NAA16: variants seen among roughly 807,000 people sequenced by gnomAD.
The protein encoded by NAA16 is N-alpha-acetyltransferase 16, NatA auxiliary subunit, also known as NARG1-like protein.
A neutral mutation model predicts 110.3 loss-of-function variants in NAA16; 97 were observed. The observed-to-expected ratio is 0.88, with a 90% confidence interval of 0.75 to 1.04. The LOEUF is 1.04. Among genes scored for constraint, NAA16 ranks in the 50% least tolerant of loss-of-function variants. NAA16 has a pLI of 0.00. For synonymous variants in NAA16, 372 were observed against 330.6 expected, an observed-to-expected ratio of 1.13 and a Z score of -1.36; for missense variants, 1,017 against 1,005.1, an observed-to-expected ratio of 1.01 and a Z score of -0.16.
At chr13:41,373,946 G>A (rs2043375843) in intron 18 of NAA16, 166 bp downstream of exon 18, 1 of 1,110,372 alleles carries the variant, frequency 9.0e-7, no homozygotes, top group Admixed American at 3.7e-5. Context: ...AACAGGGATG[G>A]ATTCACAGGA....
chr13:41,354,885 C>CTTTTTTT (rs2042940050), intron 9 of NAA16, among the ~76,000 whole-genome samples: 1 of 48,214 alleles, frequency 2.1e-5, no homozygotes, highest in African/African-American at 8.6e-5. Flanking sequence ...AGGAGTGGTC[C>CTTTTTTT]ATTTTTTTTT....
At chr13:41,372,644 G>A in intron 16 of NAA16, 88 bp from the exon 17 acceptor site, 2 of 1,362,162 alleles carry the variant, frequency 1.5e-6, no homozygotes, top group Non-Finnish European at 1.9e-6. Flanking sequence ...GTAGCATTTT[G>A]TTGTTGAACT....
In NAA16 at chr13:41,375,745, C is replaced by A; in HGVS notation, c.*143C>A. On this transcript the variant is annotated 3_prime_UTR_variant, in exon 20 of 20. Transcript: ENST00000379406. Reference sequence around the variant, plus strand: ...GCATATTCTGTAAGCTTATTTTGTTCTTTACCCGACCTGCCAATTTACATA... The same window carrying A: ...GCATATTCTGTAAGCTTATTTTGTTATTTACCCGACCTGCCAATTTACATA... 1.7e-6 allele frequency: 1 copy of A among 602,152 alleles called. No individual in the cohort carries two copies. The highest frequency in any genetic ancestry group is 2.7e-6 in the Non-Finnish European group (1 of 365,034). 37.3% of individuals were successfully genotyped at this position (602,152 alleles called of 1,614,324 possible).
chr13:41,330,915 G>A (rs542152164), intron 7 of NAA16, among the ~76,000 whole-genome samples: 1 of 152,136 alleles, frequency 6.6e-6, no homozygotes, highest in East Asian at 1.9e-4. Context: ...CGTAGGTTAT[G>A]TTATTAGACC....
chr13:41,312,060 G>A (rs561410752), intron 1 of NAA16, among the ~76,000 whole-genome samples: 115 of 152,350 alleles, frequency 7.5e-4, no homozygotes, highest in African/African-American at 2.7e-3. Flanking sequence ...GGATCGATGC[G>A]ATGGTGGAAT....
chr13:41,373,630 T>C lies in NAA16; in HGVS notation c.2156-7T>C. On this transcript the variant is annotated splice_region_variant and splice_polypyrimidine_tract_variant and intron_variant, in intron 17 of 19. Transcript: ENST00000379406. ...AACAAAAAATCCAAATGTTTTTGTT[T>C]TTATAGTGTCTAATCATAGTAATCT... is the stretch of plus-strand genomic sequence containing the variant. 3 of 1,571,552 alleles carry C rather than the reference T, an allele frequency of 1.9e-6. No individual in the cohort carries two copies. Among genetic ancestry groups the C allele is most frequent in the Non-Finnish European group, 2.6e-6 (3 of 1,166,864 alleles).
At chr13:41,373,891 G>T in intron 18 of NAA16, 111 bp downstream of exon 18, 4 of 1,384,730 alleles carry the variant, frequency 2.9e-6, no homozygotes, top group Non-Finnish European at 3.7e-6. Flanking sequence ...GTAAGTATGG[G>T]GAGAGAAATG....
chr13:41,352,358 G>C (rs943144185), intron 9 of NAA16, among the ~76,000 whole-genome samples: 1 of 151,292 alleles, frequency 6.6e-6, no homozygotes, highest in Non-Finnish European at 1.5e-5. Flanking sequence ...TAAAAATAAA[G>C]TAACTATAAA....
At chr13:41,311,917 G>A (rs1168491664) in intron 1 of NAA16, among the ~76,000 whole-genome samples, 2 of 152,238 alleles carry the variant, frequency 1.3e-5, no homozygotes, top group African/African-American at 2.4e-5. Context: ...CGCCGGGCTC[G>A]CAGCAGCCCC....
intron 15 of NAA16, among the ~76,000 whole-genome samples, chr13:41,370,681 T>C (rs941572929): frequency 7.2e-5 from 11 of 152,160 alleles, no homozygotes; most frequent in Non-Finnish European, 1.0e-4. Context: ...CTTTTGATAC[T>C]GGACAGAACC....
chr13:41,354,883 T>G (rs995764859), intron 9 of NAA16, among the ~76,000 whole-genome samples: 8 of 114,248 alleles, frequency 7.0e-5, no homozygotes, highest in Non-Finnish European at 1.2e-4. Flanking sequence ...ATAGGAGTGG[T>G]CCATTTTTTT....
At chr13:41,314,321 A>G (rs545140078) in intron 1 of NAA16, among the ~76,000 whole-genome samples, 5 of 152,028 alleles carry the variant, frequency 3.3e-5, no homozygotes, top group African/African-American at 4.8e-5. Flanking sequence ...TAGTATTTCT[A>G]TTTGTCTTTC....
At chr13:41,349,583 GTATT>G in intron 9 of NAA16, among the ~76,000 whole-genome samples, 2 of 152,044 alleles carry the variant, frequency 1.3e-5, no homozygotes, top group South Asian at 2.1e-4. Context: ...ATAAAAATCT[GTATT>G]TATTCCAAAA....
rs569086011 is a variant in NAA16, at chr13:41,337,955, T to TA, written c.1014+1207dup. On this transcript the variant is annotated intron_variant, in intron 9 of 19. Coordinates refer to ENST00000379406, the MANE Select transcript of NAA16 (RefSeq NM_024561.5). Reference sequence around the variant, plus strand: ...AGTTAGAAAAAAACATCATTTATGTTAAAAAAAACAAAAAAACCCAAAAAA... The same window carrying TA: ...AGTTAGAAAAAAACATCATTTATGTTAAAAAAAAACAAAAAAACCCAAAAAA... Among the ~76,000 whole-genome samples the TA allele has an allele frequency of 6.1e-3, 928 of 152,010 alleles. 8 individuals carry two copies. Among genetic ancestry groups the TA allele is most frequent in the African/African-American group, 0.019 (777 of 41,452 alleles).
At chr13:41,340,718 C>T (rs1315678038) in intron 9 of NAA16, among the ~76,000 whole-genome samples, 2 of 114,166 alleles carry the variant, frequency 1.8e-5, no homozygotes, top group Admixed American at 2.6e-4. Context: ...CTCATTGCGC[C>T]CAGGCTGGAG....
At chr13:41,322,879 G>A (rs1001568914) in intron 4 of NAA16, among the ~76,000 whole-genome samples, 177 bp from the exon 5 acceptor site, 3 of 152,094 alleles carry the variant, frequency 2.0e-5, no homozygotes, top group African/African-American at 7.2e-5. Context: ...AGTATTACAG[G>A]GTATTGTAGA....
intron 1 of NAA16, among the ~76,000 whole-genome samples, chr13:41,314,515 C>T (rs765220141): frequency 9.6e-4 from 135 of 140,298 alleles, no homozygotes; most frequent in Non-Finnish European, 1.8e-3. Context: ...CAGAGGCTGT[C>T]AAGAGGCCTC....
chr13:41,364,108 A>T (rs2043164987), intron 13 of NAA16, among the ~76,000 whole-genome samples: 1 of 152,156 alleles, frequency 6.6e-6, no homozygotes, highest in African/African-American at 2.4e-5. Context: ...TTATTATAAT[A>T]GGTATCTACA....
chr13:41,343,267 A>G (rs1731898745), intron 9 of NAA16, among the ~76,000 whole-genome samples: 1 of 151,930 alleles, frequency 6.6e-6, no homozygotes, highest in Non-Finnish European at 1.5e-5. Context: ...TAATTTTTTA[A>G]TTTGTAGAGA....
Sources: gnomAD v4.1 joint callset for allele counts (sites outside exome capture counted in the v4.1 genomes callset) on GRCh38, gnomAD v4.1.1 for gene constraint, MANE v1.5 for transcripts, NCBI Gene and HGNC (gene_info 2026-07-23, HGNC 2026-07-21) for gene names.